VPS13C: variants seen among roughly 807,000 people sequenced by gnomAD.
The protein encoded by VPS13C is vacuolar protein sorting 13 homolog C, also known as intermembrane lipid transfer protein VPS13C.
Under a neutral mutation model 456.8 loss-of-function variants are expected in VPS13C, and 358 were observed. The ratio of observed to expected loss-of-function variants is 0.78; its 90% CI spans 0.72 to 0.86. The LOEUF is 0.86. VPS13C is among the 40% of genes least tolerant of loss of function. VPS13C has a pLI of 0.00. For missense variants in VPS13C, 4,818 were observed against 4,385.4 expected (o/e 1.10, Z -2.79); for synonymous variants, 1,578 against 1,486.7 (o/e 1.06, Z -1.41).
At chr15:62,032,348 G>T (rs187435510) in intron 5 of VPS13C, among the ~76,000 whole-genome samples, 2 of 151,734 alleles carry the variant, frequency 1.3e-5, no homozygotes, top group Admixed American at 1.3e-4. Context: ...TGTTTCCCTA[G>T]AAATACAGAT....
chr15:61,942,093 G>A, intron 45 of VPS13C, 26 bp from the exon 46 acceptor site: 13 of 1,494,652 alleles, frequency 8.7e-6, no homozygotes, highest in East Asian at 7.0e-5. Flanking sequence ...GATATTTAGG[G>A]GAAAAAAGGC....
At chr15:61,925,841 T>C (rs112428889) in intron 52 of VPS13C, among the ~76,000 whole-genome samples, 3 of 152,226 alleles carry the variant, frequency 2.0e-5, no homozygotes, top group Admixed American at 6.5e-5. Context: ...TCTGCTAAAA[T>C]AGTTTTTAAA....
intron 7 of VPS13C, 85 bp downstream of exon 7, chr15:62,023,695 T>C (rs971762500): frequency 1.5e-6 from 2 of 1,343,202 alleles, no homozygotes; most frequent in African/African-American, 1.5e-5. Context: ...TATACTGTTA[T>C]CTGACATTCA....
Position 61,991,814 on chromosome 15 carries a change from A to C in VPS13C, c.1354-12T>G. On this transcript the variant is annotated splice_polypyrimidine_tract_variant and intron_variant, in intron 16 of 84. Coordinates refer to ENST00000644861, the MANE Select transcript of VPS13C (RefSeq NM_020821.3). ...CCAGACCGAATCACCTGAAAAATAA[A>C]AATTAAAAAATTTACTTTAAGAATG... 1.9e-6 allele frequency: 3 copies of C among 1,606,942 alleles called. No homozygotes were observed. The highest frequency in any genetic ancestry group is 2.5e-6 in the Non-Finnish European group (3 of 1,177,446).
rs538934067 is a variant in VPS13C, at chr15:61,966,566, T to A, written c.2992-424A>T. 8.6e-5 allele frequency among the ~76,000 whole-genome samples: 13 copies of A among 152,044 alleles called. 1 individual carries two copies. In the South Asian group the frequency reaches 2.5e-3, roughly 29 times the overall value. On this transcript the variant is annotated intron_variant, in intron 29 of 84. Transcript: ENST00000644861. ...GCTTTTATTTAATGAGGTCTTCACA[T>A]TGAGTCAAAAATCTGTCTCCCATCA...
intron 6 of VPS13C, among the ~76,000 whole-genome samples, chr15:62,027,037 C>A (rs1406412571): frequency 6.6e-6 from 1 of 151,774 alleles, no homozygotes; most frequent in Non-Finnish European, 1.5e-5. Context: ...ATCATTTTGA[C>A]TTTTTGAGAA....
intron 27 of VPS13C, among the ~76,000 whole-genome samples, chr15:61,971,124 G>A (rs143624021): frequency 6.6e-6 from 1 of 152,326 alleles, no homozygotes; most frequent in Non-Finnish European, 1.5e-5. Flanking sequence ...GAACTGGCCA[G>A]TCATATGAGG....
intron 8 of VPS13C, among the ~76,000 whole-genome samples, chr15:62,022,455 T>C (rs1052798177): frequency 6.6e-6 from 1 of 151,910 alleles, no homozygotes; most frequent in African/African-American, 2.4e-5. Flanking sequence ...TCATGATGCG[T>C]TGAGTATACT....
chr15:61,896,450 G>C (rs2042816583), intron 66 of VPS13C, among the ~76,000 whole-genome samples: 1 of 152,184 alleles, frequency 6.6e-6, no homozygotes, highest in Non-Finnish European at 1.5e-5. Flanking sequence ...AAGCGCAAGG[G>C]GTCAGGGAGT....
chr15:61,915,976 A>C lies in VPS13C; in HGVS notation c.8102T>G (p.Val2701Gly), dbSNP rs1210111856. 6.2e-7 allele frequency: 1 copy of C among 1,612,514 alleles called. No homozygotes were observed. Among genetic ancestry groups the C allele is most frequent in the African/African-American group, 1.3e-5 (1 of 74,904 alleles). The stretch of plus-strand genomic sequence containing the variant: ...TTCACCACTGATTCTCGAATGCAGA[A>C]CATCAGCAGTACTGCCTTCTGCCAG... ...HELAEGSTAD[V>G]LHSRISGEIM... The change falls in exon 61 of 85, where the codon GTT (valine) becomes GGT (glycine). Residue 2701 changes from valine (V) to glycine (G), a missense_variant. By Grantham distance (109) the Val-to-Gly change is moderately radical. Coordinates refer to ENST00000644861, the MANE Select transcript of VPS13C (RefSeq NM_020821.3).
At chr15:62,044,175 TTAAG>T (rs777523864) in intron 2 of VPS13C, 33 bp downstream of exon 2, 1 of 1,403,042 alleles carries the variant, frequency 7.1e-7, no homozygotes. Context: ...ACTTACCAAA[TTAAG>T]TGAGTTATTA....
chr15:61,884,419 G>T, intron 67 of VPS13C, 150 bp from the exon 68 acceptor site: 2 of 806,424 alleles, frequency 2.5e-6, no homozygotes, highest in Non-Finnish European at 1.8e-6. Flanking sequence ...TACCTGTGTT[G>T]CAAGAGTACA....
At chr15:61,906,171 T>C (rs191337945) in intron 66 of VPS13C, among the ~76,000 whole-genome samples, 1 of 152,278 alleles carries the variant, frequency 6.6e-6, no homozygotes, top group East Asian at 1.9e-4. Context: ...TTCTTTGAAC[T>C]CCCCTGTCAT....
At chr15:62,035,204 C>G (rs565197443) in intron 3 of VPS13C, 152 bp from the exon 4 acceptor site, 29 of 442,980 alleles carry the variant, frequency 6.5e-5, no homozygotes, top group African/African-American at 3.7e-4. Flanking sequence ...CTAAAGTTTA[C>G]AAAGGTCTTT....
Position 61,890,393 on chromosome 15 carries a change from C to T in VPS13C, c.9113G>A (p.Cys3038Tyr). ...GTTTGCATCATATGGAAACTGTCCA[C>T]ATCCATCCTGGGAAGAAGAAAGACT... ...VGEHDLLKDG[C>Y]GQFPYDANIQ... is the part of the protein sequence containing the mutation. The change falls in exon 67 of 85, where the codon TGT becomes TAT. Residue 3038 changes from cysteine (C) to tyrosine (Y), a missense_variant. Physicochemically the swap from Cys to Tyr is radical, Grantham distance 194. Coordinates refer to ENST00000644861, the MANE Select transcript of VPS13C (RefSeq NM_020821.3). 4.3e-6 allele frequency: 7 copies of T among 1,613,698 alleles called. No homozygotes were observed. Among genetic ancestry groups the T allele is most frequent in the East Asian group, 2.2e-5 (1 of 44,870 alleles).
At chr15:61,936,261 A>C (rs758871408) in intron 48 of VPS13C, among the ~76,000 whole-genome samples, 11 of 152,180 alleles carry the variant, frequency 7.2e-5, no homozygotes, top group Non-Finnish European at 1.6e-4. Context: ...ATGTGATACC[A>C]AGGTCCTTTT....
At chr15:61,942,652 T>C (rs1270920345) in intron 45 of VPS13C, among the ~76,000 whole-genome samples, 1 of 151,772 alleles carries the variant, frequency 6.6e-6, no homozygotes, top group African/African-American at 2.4e-5. Flanking sequence ...ATGTATTTCA[T>C]CTCAATTTCA....
chr15:62,005,529 T>A (rs1375258231), intron 15 of VPS13C, among the ~76,000 whole-genome samples: 1 of 151,982 alleles, frequency 6.6e-6, no homozygotes, highest in Non-Finnish European at 1.5e-5. Flanking sequence ...TTAAAGTTAA[T>A]ATTGTTATGT....
chr15:61,938,398 C>T (rs987881009), intron 47 of VPS13C, among the ~76,000 whole-genome samples: 1 of 152,086 alleles, frequency 6.6e-6, no homozygotes, highest in African/African-American at 2.4e-5. Context: ...TAGCTGCAGC[C>T]CAGACCAGGG....
Sources: gnomAD v4.1 joint callset for allele counts (sites outside exome capture counted in the v4.1 genomes callset) on GRCh38, gnomAD v4.1.1 for gene constraint, MANE v1.5 for transcripts, NCBI Gene and HGNC (gene_info 2026-07-23, HGNC 2026-07-21) for gene names.